The following MUC12 variants were observed in gnomAD, a reference collection of about 807,000 sequenced individuals.
MUC12 encodes mucin-12.
In MUC12, 172 loss-of-function variants were observed where a neutral mutation model predicts 230.8. The ratio of observed to expected loss-of-function variants is 0.75; its 90% CI spans 0.66 to 0.85. MUC12 has a LOEUF of 0.85. Ranked by LOEUF, MUC12 falls within the 40% of genes least tolerant of loss-of-function variation. MUC12 has a pLI of 0.00. For missense variants in MUC12, 3,506 were observed against 5,920.6 expected (o/e 0.59, Z 13.38); for synonymous variants, 1,259 against 2,401.9 (o/e 0.52, Z 13.91).
At chr7:100,982,440 CTT>C (rs569502189) in intron 1 of MUC12, among the ~76,000 whole-genome samples, 2 of 145,064 alleles carry the variant, frequency 1.4e-5, no homozygotes. Flanking sequence ...CTTTTCTTTT[CTT>C]TTTTTTTTTT....
chr7:100,990,372 TC>T (rs1226603984), intron 1 of MUC12, among the ~76,000 whole-genome samples: 2 of 152,200 alleles, frequency 1.3e-5, no homozygotes, highest in Non-Finnish European at 2.9e-5. Context: ...ACAGCTCAAG[TC>T]CTTGGGAAAT....
intron 1 of MUC12, among the ~76,000 whole-genome samples, chr7:100,971,087 CAG>C (rs1563082777): frequency 6.6e-6 from 1 of 151,652 alleles, no homozygotes; most frequent in Non-Finnish European, 1.5e-5. Context: ...ACCCTGGAGG[CAG>C]AGGTTGCAGT....
In MUC12 at chr7:101,012,300, G is replaced by C. The variant is rs1240645660; in HGVS notation, c.15256G>C (p.Gly5086Arg). The C allele has an allele frequency of 5.9e-6, 9 of 1,536,868 alleles. No individual in the cohort carries two copies. Among genetic ancestry groups the C allele is most frequent in the East Asian group, 2.4e-5 (1 of 40,918 alleles). The stretch of plus-strand genomic sequence containing the variant: ...TGAAACGATTCCCACTTCCAGCAAC[G>C]GTAGCATCGTGGTCAAGAACGATGT... ...RGVNIRRLLN[G>R]SIVVKNDVIL... Residue 5086 changes from glycine (G) to arginine (R), a missense_variant, in exon 6 of 12, where the codon GGT (glycine) becomes CGT (arginine). Transcript: ENST00000536621.
At position 100,990,832 on chromosome 7, in the gene MUC12, C is replaced by G; in HGVS notation, c.269C>G (p.Ala90Gly). The change falls in exon 2 of 12, where the codon GCA becomes GGA. Residue 90 changes from alanine to glycine, a missense_variant. Physicochemically the swap from Ala to Gly is moderately conservative, Grantham distance 60 (BLOSUM62 0). Transcript: ENST00000536621. ...ACAGTATCCCACAGCGGCCCAGGTG[C>G]AACTGGAACAACACTCTTCCCTTCC... ...ESTVSHSGPG[A>G]TGTTLFPSHS... 6.5e-7 allele frequency: 1 copy of G among 1,537,728 alleles called. No individual in the cohort carries two copies. The highest frequency in any genetic ancestry group is 8.7e-7 in the Non-Finnish European group (1 of 1,147,014).
At chr7:100,982,339 C>T (rs1009128275) in intron 1 of MUC12, among the ~76,000 whole-genome samples, 4 of 152,196 alleles carry the variant, frequency 2.6e-5, no homozygotes, top group Admixed American at 6.5e-5. Context: ...TCTGGGACCC[C>T]ACACATGGTG....
chr7:100,979,056 T>C (rs1385149888), intron 1 of MUC12, among the ~76,000 whole-genome samples: 1 of 152,182 alleles, frequency 6.6e-6, no homozygotes, highest in Admixed American at 6.5e-5. Context: ...GCAAACCTCC[T>C]GCCTCAGCCT....
chr7:101,014,333 A>T, intron 9 of MUC12: 2 of 348,184 alleles, frequency 5.7e-6, no homozygotes, highest in Non-Finnish European at 1.0e-5. Context: ...TTGATAAACA[A>T]TAGAAGTTTA....
chr7:100,980,020 CCTCT>C (rs1241344058), intron 1 of MUC12, among the ~76,000 whole-genome samples: 11 of 151,436 alleles, frequency 7.3e-5, no homozygotes, highest in African/African-American at 2.7e-4. Context: ...TGAGAACTCG[CCTCT>C]CTCTCTTTTT....
intron 10 of MUC12, 124 bp downstream of exon 10, chr7:101,015,815 C>CA: frequency 1.2e-6 from 1 of 800,498 alleles, no homozygotes; most frequent in Non-Finnish European, 2.0e-6. Context: ...GACTGACAGC[C>CA]CGTTCCCTAC....
intron 1 of MUC12, among the ~76,000 whole-genome samples, chr7:100,983,979 A>C (rs745332599): frequency 1.6e-4 from 25 of 152,116 alleles, no homozygotes; most frequent in Non-Finnish European, 3.2e-4. Context: ...ACCCTGCTGC[A>C]TTGAGCCCTG....
At chr7:100,977,201 G>A (rs1793046250) in intron 1 of MUC12, among the ~76,000 whole-genome samples, 1 of 151,850 alleles carries the variant, frequency 6.6e-6, no homozygotes, top group Non-Finnish European at 1.5e-5. Flanking sequence ...CTGTGTGTAT[G>A]TGTTCCCTAG....
chr7:100,987,068 T>G (rs1793201279), intron 1 of MUC12, among the ~76,000 whole-genome samples: 1 of 140,752 alleles, frequency 7.1e-6, no homozygotes, highest in African/African-American at 2.7e-5. Flanking sequence ...TGGTTTTTTT[T>G]TTTTTTTTTT....
Position 100,996,306 on chromosome 7 carries a change from T to G in MUC12, c.5743T>G (p.Ser1915Ala). ...TACCACTTTCCACAGTAGCCCCAGA[T>G]CACCAGCCACAACACTCTCACCTGC... Reference protein sequence around the residue: ...KSTTFHSSPRSPATTLSPAST... With the variant: ...KSTTFHSSPRAPATTLSPAST... Residue 1915 changes from serine to alanine, a missense_variant, in exon 2 of 12, where the codon TCA becomes GCA. Transcript: ENST00000536621. 6.5e-7 allele frequency: 1 copy of G among 1,533,906 alleles called. No individual in the cohort carries two copies. The highest frequency in any genetic ancestry group is 2.4e-5 in the East Asian group (1 of 40,854).
chr7:100,992,116 G>C lies in MUC12; in HGVS notation c.1553G>C (p.Ser518Thr), dbSNP rs1274044088. Residue 518 changes from serine to threonine, a missense_variant, in exon 2 of 12, where the codon AGT (serine) becomes ACT (threonine). Transcript: ENST00000536621. The part of the protein sequence containing the change: ...LPASMTSSGV[S>T]EESTTSHSRP... ...GCCAGCATGACAAGCTCAGGCGTCA[G>C]TGAAGAATCCACCACCTCCCACAGC... The C allele has an allele frequency of 6.5e-7, 1 of 1,537,334 alleles. No homozygotes were observed. Among genetic ancestry groups the C allele is most frequent in the Non-Finnish European group, 8.7e-7 (1 of 1,146,742 alleles).
Position 101,005,373 on chromosome 7 carries a change from A to C in MUC12, c.14810A>C (p.Tyr4937Ser). 1 of 1,537,848 alleles carries C rather than the reference A, an allele frequency of 6.5e-7. No individual in the cohort carries two copies. ...SDLVGEPTTF[Y>S]ISPSPTYTTL... ...CTTGTTGGAGAACCTACAACTTTCT[A>C]CATCAGCCCATCCCCTACTTACACA... The change falls in exon 2 of 12, where the codon TAC becomes TCC. Residue 4937 changes from tyrosine (Y) to serine (S), a missense_variant. By Grantham distance (144) the Tyr-to-Ser change is moderately radical (BLOSUM62 -2). Transcript: ENST00000536621.
rs1167163725 is a variant in MUC12, at chr7:100,988,289, GAAAAAA to G, written c.68-2325_68-2320del. Among the ~76,000 whole-genome samples the G allele has an allele frequency of 1.9e-4, 15 of 78,738 alleles. 1 individual carries two copies. The highest frequency in any genetic ancestry group is 5.1e-4 in the African/African-American group (11 of 21,662). The allele number at this position is 78,738 out of a possible 152,430, so 51.7% of individuals were successfully genotyped here. ...CCAGCCTGGGTGACAGGCTGTCCCAGAAAAAAAAAAAAAAAAAAAAAAGAAAGAAAG... is the reference window on the plus strand; with the variant it reads ...CCAGCCTGGGTGACAGGCTGTCCCAGAAAAAAAAAAAAAAAAGAAAGAAAG... On this transcript the variant is annotated intron_variant, in intron 1 of 11. Transcript: ENST00000536621.
At chr7:100,975,574 G>T (rs1417700279) in intron 1 of MUC12, among the ~76,000 whole-genome samples, 1 of 152,288 alleles carries the variant, frequency 6.6e-6, no homozygotes, top group Non-Finnish European at 1.5e-5. Flanking sequence ...ATAAGGCAGG[G>T]TGAATAAACA....
intron 1 of MUC12, among the ~76,000 whole-genome samples, chr7:100,984,553 G>A (rs1416572572): frequency 6.6e-6 from 1 of 151,952 alleles, no homozygotes; most frequent in African/African-American, 2.4e-5. Context: ...CACCATGCCC[G>A]ACCACTTTTC....
intron 10 of MUC12, among the ~76,000 whole-genome samples, chr7:101,015,947 T>G (rs1012010122): frequency 6.6e-6 from 1 of 152,052 alleles, no homozygotes; most frequent in African/African-American, 2.4e-5. Flanking sequence ...CACACTCAGC[T>G]AAGCGGGGTG....
Sources: gnomAD v4.1 joint callset for allele counts (sites outside exome capture counted in the v4.1 genomes callset) on GRCh38, gnomAD v4.1.1 for gene constraint, MANE v1.5 for transcripts, NCBI Gene and HGNC (gene_info 2026-07-23, HGNC 2026-07-21) for gene names.